The following KHDRBS3 variants were observed in gnomAD, a reference collection of about 807,000 sequenced individuals.
The protein encoded by KHDRBS3 is KH RNA binding domain containing, signal transduction associated 3, also known as KH domain-containing, RNA-binding, signal transduction-associated protein 3.
In KHDRBS3, 23 loss-of-function variants were observed where a neutral mutation model predicts 45.6. The observed-to-expected ratio is 0.50, with a 90% CI of 0.36 to 0.72. KHDRBS3 has a LOEUF of 0.72. KHDRBS3 is among the 30% of genes least tolerant of loss of function. KHDRBS3 has a pLI of 0.00. For synonymous variants in KHDRBS3, 162 were observed against 156.5 expected (o/e 1.04, Z -0.26); for missense variants, 352 against 424.8 (o/e 0.83, Z 1.51).
intron 5 of KHDRBS3, among the ~76,000 whole-genome samples, chr8:135,563,343 G>A (rs377188408): frequency 6.6e-5 from 10 of 151,972 alleles, no homozygotes; most frequent in African/African-American, 1.9e-4. Context: ...TCTCCTTCTC[G>A]TTGAAGGCTT....
chr8:135,572,848 G>A (rs771573389), intron 5 of KHDRBS3, among the ~76,000 whole-genome samples: 6 of 152,168 alleles, frequency 3.9e-5, no homozygotes, highest in Non-Finnish European at 8.8e-5. Flanking sequence ...AGGCTGTTTC[G>A]CCTTTTCCTT....
intron 7 of KHDRBS3, among the ~76,000 whole-genome samples, chr8:135,636,136 C>G (rs1298152589): frequency 6.6e-6 from 1 of 152,126 alleles, no homozygotes; most frequent in East Asian, 1.9e-4. Context: ...AGTTATTTCA[C>G]GTAACAATGA....
intron 1 of KHDRBS3, among the ~76,000 whole-genome samples, chr8:135,505,564 A>C (rs1249674234): frequency 2.6e-5 from 4 of 152,226 alleles, no homozygotes. Context: ...ATTGAATAGC[A>C]GGAATTGGTT....
chr8:135,606,423 G>T (rs769142359), intron 6 of KHDRBS3, among the ~76,000 whole-genome samples: 27 of 152,212 alleles, frequency 1.8e-4, no homozygotes, highest in African/African-American at 6.5e-4. Context: ...ATTTTCTTCA[G>T]ATACCCTGAG....
intron 5 of KHDRBS3, among the ~76,000 whole-genome samples, chr8:135,571,400 G>A (rs72732368): frequency 0.075 from 11,483 of 152,174 alleles, 517 homozygotes; most frequent in East Asian, 0.18. Flanking sequence ...TCTGAAGCTA[G>A]GTCATTAGTA....
At chr8:135,641,365 G>A (rs1831050689) in intron 7 of KHDRBS3, among the ~76,000 whole-genome samples, 1 of 152,158 alleles carries the variant, frequency 6.6e-6, no homozygotes. Flanking sequence ...AACTGTCTCA[G>A]TCAAGGAAAT....
At chr8:135,655,187 A>G (rs945081181) in intron 4 of KHDRBS3, among the ~76,000 whole-genome samples, 3 of 152,216 alleles carry the variant, frequency 2.0e-5, no homozygotes, top group African/African-American at 4.8e-5. Context: ...TTTTTAGAGG[A>G]TTCACCTTTA....
chr8:135,567,298 C>A (rs192969698), intron 5 of KHDRBS3, among the ~76,000 whole-genome samples: 10 of 152,086 alleles, frequency 6.6e-5, no homozygotes, highest in African/African-American at 2.4e-4. Flanking sequence ...GTGGAAAACA[C>A]GTCAGTTCAC....
At chr8:135,504,563 T>G (rs1250467740) in intron 1 of KHDRBS3, among the ~76,000 whole-genome samples, 17 of 152,220 alleles carry the variant, frequency 1.1e-4, no homozygotes, top group Admixed American at 7.2e-4. Context: ...TTTGTAAACT[T>G]AATTAGTTCT....
intron 1 of KHDRBS3, among the ~76,000 whole-genome samples, chr8:135,467,698 G>A (rs1373745053): frequency 2.0e-5 from 3 of 152,210 alleles, no homozygotes; most frequent in East Asian, 1.9e-4. Context: ...TCAGCCCCTC[G>A]TACCCGGGCA....
intron 7 of KHDRBS3, among the ~76,000 whole-genome samples, chr8:135,639,900 GATTGC>G (rs1830989128): frequency 6.6e-6 from 1 of 152,200 alleles, no homozygotes. Flanking sequence ...CAACACGGGG[GATTGC>G]ATTTCCACAT....
downstream of KHDRBS3, among the ~76,000 whole-genome samples, chr8:135,649,453 A>G (rs1191914128): frequency 6.6e-6 from 1 of 152,236 alleles, no homozygotes; most frequent in Non-Finnish European, 1.5e-5. Flanking sequence ...CATATTTAAT[A>G]TATATGAAAA....
intron 1 of KHDRBS3, among the ~76,000 whole-genome samples, chr8:135,501,184 A>G (rs766115683): frequency 2.6e-5 from 4 of 152,188 alleles, no homozygotes; most frequent in Non-Finnish European, 5.9e-5. Context: ...TGGTTGAAAG[A>G]TATTTAACTT....
rs1261943997 is a variant in KHDRBS3, at chr8:135,556,605, T to G, written c.472-843T>G. On this transcript the variant is annotated intron_variant, in intron 4 of 8. Coordinates refer to ENST00000355849, the MANE Select transcript of KHDRBS3 (RefSeq NM_006558.3). Reference sequence around the variant, plus strand: ...GTTTGCTTTCTTCTTGTAAATTTGTTTAAGTTCTTTGTAGATTCTGGTTAT... The same window carrying G: ...GTTTGCTTTCTTCTTGTAAATTTGTGTAAGTTCTTTGTAGATTCTGGTTAT... Among the ~76,000 whole-genome samples, 4 of 152,358 alleles carry G rather than the reference T, an allele frequency of 2.6e-5. No homozygotes were observed. In the East Asian group the frequency reaches 7.7e-4, roughly 29 times the overall value.
intron 1 of KHDRBS3, among the ~76,000 whole-genome samples, chr8:135,460,541 T>C (rs966605349): frequency 1.6e-4 from 25 of 152,182 alleles, no homozygotes; most frequent in African/African-American, 6.0e-4. Flanking sequence ...TATTTTGGCT[T>C]CCTAAAATGT....
At chr8:135,637,897 T>G (rs1830884021) in intron 7 of KHDRBS3, among the ~76,000 whole-genome samples, 1 of 152,202 alleles carries the variant, frequency 6.6e-6, no homozygotes, top group Non-Finnish European at 1.5e-5. Flanking sequence ...AAAGGACTTT[T>G]AAGAAACAGT....
chr8:135,461,271 A>G (rs902247175), intron 1 of KHDRBS3, among the ~76,000 whole-genome samples: 1 of 151,626 alleles, frequency 6.6e-6, no homozygotes, highest in African/African-American at 2.4e-5. Flanking sequence ...TGCCTGGTTA[A>G]TTTTTGTATT....
intron 5 of KHDRBS3, among the ~76,000 whole-genome samples, chr8:135,559,029 C>G (rs887956784): frequency 6.6e-6 from 1 of 152,174 alleles, no homozygotes; most frequent in African/African-American, 2.4e-5. Flanking sequence ...TCTTCTGCCT[C>G]CCTTTTACAA....
In KHDRBS3 at chr8:135,597,708, TCAA is replaced by T. The variant is rs545651496; in HGVS notation, c.808-9241_808-9239del. Among the ~76,000 whole-genome samples the T allele has an allele frequency of 4.5e-3, 678 of 152,302 alleles. 6 individuals are homozygous for T. The highest frequency in any genetic ancestry group is 0.015 in the African/African-American group (634 of 41,562). On this transcript the variant is annotated intron_variant, in intron 6 of 8. Transcript: ENST00000355849. ...ACAGTGCCTGACACCTAGTTGGCAT[TCAA>T]CAACATCTGCTTCCCAGGATAGATG...
Sources: allele counts gnomAD v4.1 joint callset (sites outside exome capture counted in the v4.1 genomes callset), GRCh38; gene constraint gnomAD v4.1.1; transcripts MANE v1.5; gene names NCBI Gene and HGNC (gene_info 2026-07-23, HGNC 2026-07-21).